The following CNTNAP4 variants were observed in gnomAD, a reference collection of about 807,000 sequenced individuals.
CNTNAP4 encodes contactin-associated protein-like 4.
CNTNAP4 carries 98 observed loss-of-function variants against 148.4 expected under a neutral mutation model. The observed-to-expected ratio is 0.66, with a 90% CI of 0.56 to 0.78. The LOEUF (loss-of-function observed/expected upper bound fraction) is 0.78, where lower values mean the gene tolerates loss of function less well. Ranked by LOEUF, CNTNAP4 falls within the 30% of genes least tolerant of loss-of-function variation. The probability of loss-of-function intolerance (pLI) is 0.00; values close to 1 mark genes in which losing one functional copy is unlikely to be tolerated. For missense variants in CNTNAP4, 1,935 were observed against 1,565.6 expected (o/e 1.24, Z -3.98); for synonymous variants, 730 against 565.1 (o/e 1.29, Z -4.14).
intron 15 of CNTNAP4, 24 bp downstream of exon 15, chr16:76,498,718 A>G (rs763318945): frequency 6.4e-7 from 1 of 1,568,618 alleles, no homozygotes; most frequent in Non-Finnish European, 8.6e-7. Flanking sequence ...ATGTGTTGAA[A>G]CCGTATTTGA....
intron 4 of CNTNAP4, among the ~76,000 whole-genome samples, chr16:76,446,266 G>A (rs543445208): frequency 3.3e-5 from 5 of 152,238 alleles, no homozygotes; most frequent in African/African-American, 1.2e-4. Context: ...TGAGTAAACT[G>A]GAATGTCATT....
Position 76,494,785 on chromosome 16 carries a change from C to G in CNTNAP4, c.2081-125C>G, listed in dbSNP as rs1433928546. 3.8e-6 allele frequency: 4 copies of G among 1,041,774 alleles called. No homozygotes were observed. The African/African-American group carries it at 4.8e-5, about 12-fold the overall frequency. The allele number at this position is 1,041,774 out of a possible 1,614,324, so 64.5% of individuals were successfully genotyped here. ...CATACTGTTTTGCATATCCTTAAAT[C>G]CAATCAATCTTTCTCCTTTTCTCCT... On this transcript the variant is annotated intron_variant, in intron 13 of 23. Coordinates refer to ENST00000611870, the MANE Select transcript of CNTNAP4 (RefSeq NM_033401.5).
chr16:76,336,550 TA>T (rs1483037448), intron 2 of CNTNAP4, among the ~76,000 whole-genome samples: 6 of 152,232 alleles, frequency 3.9e-5, no homozygotes, highest in Non-Finnish European at 8.8e-5. Context: ...GGCTTTATTT[TA>T]AAAATTGAAC....
chr16:76,531,020 T>A (rs2083962318), intron 17 of CNTNAP4, among the ~76,000 whole-genome samples: 1 of 152,184 alleles, frequency 6.6e-6, no homozygotes, highest in African/African-American at 2.4e-5. Context: ...GCTTTGCCTG[T>A]TTTTCTTTGC....
At chr16:76,393,100 A>T (rs1364612489) in intron 3 of CNTNAP4, among the ~76,000 whole-genome samples, 4 of 152,338 alleles carry the variant, frequency 2.6e-5, no homozygotes, top group Middle Eastern at 6.8e-3. Flanking sequence ...TGACTCTTAC[A>T]GATTCTCCAC....
intron 1 of CNTNAP4, among the ~76,000 whole-genome samples, chr16:76,292,772 T>A (rs1959165201): frequency 6.6e-6 from 1 of 152,196 alleles, no homozygotes; most frequent in Non-Finnish European, 1.5e-5. Flanking sequence ...TGTTTCTCAA[T>A]ACTTCTACTT....
chr16:76,511,818 C>T (rs1255644342), intron 15 of CNTNAP4, among the ~76,000 whole-genome samples: 2 of 141,712 alleles, frequency 1.4e-5, no homozygotes, highest in Admixed American at 1.4e-4. Context: ...TATCGGTATT[C>T]TTGGAGCTTA....
intron 10 of CNTNAP4, among the ~76,000 whole-genome samples, chr16:76,469,822 T>G (rs1018930984): frequency 6.6e-6 from 1 of 152,210 alleles, no homozygotes; most frequent in Non-Finnish European, 1.5e-5. Context: ...CCTAACAATC[T>G]TAAAAATATA....
intron 2 of CNTNAP4, among the ~76,000 whole-genome samples, chr16:76,329,294 A>C (rs1045367683): frequency 1.3e-5 from 2 of 152,216 alleles, no homozygotes; most frequent in Non-Finnish European, 1.5e-5. Context: ...TAAACATCAA[A>C]GCCTCAGTGG....
chr16:76,278,985 G>A (rs1958585454), intron 1 of CNTNAP4, among the ~76,000 whole-genome samples: 1 of 152,154 alleles, frequency 6.6e-6, no homozygotes, highest in African/African-American at 2.4e-5. Flanking sequence ...CTGCACATCA[G>A]ATTCAACTTT....
intron 21 of CNTNAP4, among the ~76,000 whole-genome samples, chr16:76,547,478 A>C (rs191193767): frequency 7.7e-4 from 117 of 152,334 alleles, no homozygotes; most frequent in African/African-American, 2.7e-3. Flanking sequence ...TGGCACAAGA[A>C]CACTAACAAT....
intron 3 of CNTNAP4, among the ~76,000 whole-genome samples, chr16:76,426,350 G>A (rs1381285242): frequency 6.6e-6 from 1 of 152,136 alleles, no homozygotes; most frequent in Non-Finnish European, 1.5e-5. Flanking sequence ...TCTACATGAG[G>A]TTGATCTTAT....
chr16:76,313,710 C>T (rs1160226121), intron 1 of CNTNAP4, among the ~76,000 whole-genome samples: 1 of 152,158 alleles, frequency 6.6e-6, no homozygotes, highest in Non-Finnish European at 1.5e-5. Context: ...AATGCTACCT[C>T]AGGTAAGCTC....
chr16:76,418,290 C>G (rs2079056122), intron 3 of CNTNAP4, among the ~76,000 whole-genome samples: 1 of 149,810 alleles, frequency 6.7e-6, no homozygotes, highest in African/African-American at 2.4e-5. Context: ...TTATGCTTTT[C>G]TTTTTTCTTT....
chr16:76,469,811 T>A (rs2081301188), intron 10 of CNTNAP4, among the ~76,000 whole-genome samples: 1 of 152,208 alleles, frequency 6.6e-6, no homozygotes, highest in Non-Finnish European at 1.5e-5. Context: ...CTAACAGTAA[T>A]CCTAACAATC....
intron 2 of CNTNAP4, among the ~76,000 whole-genome samples, chr16:76,344,263 T>A (rs1964727307): frequency 6.6e-6 from 1 of 152,124 alleles, no homozygotes; most frequent in Non-Finnish European, 1.5e-5. Context: ...TGATGCCCAA[T>A]GAATGTGAAG....
At chr16:76,280,520 C>A (rs1044032456) in intron 1 of CNTNAP4, among the ~76,000 whole-genome samples, 1 of 151,944 alleles carries the variant, frequency 6.6e-6, no homozygotes, top group Non-Finnish European at 1.5e-5. Flanking sequence ...TTTTGGTGGC[C>A]CTGTTAAGTA....
At chr16:76,467,656 C>T (rs1421912437) in intron 10 of CNTNAP4, 133 bp downstream of exon 10, 1 of 762,824 alleles carries the variant, frequency 1.3e-6, no homozygotes, top group East Asian at 3.0e-5. Context: ...ATTATATTTA[C>T]ATTAGAAATA....
At chr16:76,515,494 T>C (rs1180655237) in intron 15 of CNTNAP4, among the ~76,000 whole-genome samples, 1 of 152,146 alleles carries the variant, frequency 6.6e-6, no homozygotes, top group Non-Finnish European at 1.5e-5. Context: ...AAGGCAGTCA[T>C]CTGCAAGCCA....
Sources: allele counts gnomAD v4.1 joint callset (sites outside exome capture counted in the v4.1 genomes callset), GRCh38; gene constraint gnomAD v4.1.1; transcripts MANE v1.5; gene names NCBI Gene and HGNC (gene_info 2026-07-23, HGNC 2026-07-21).